RBMS1: variants seen among roughly 807,000 people sequenced by gnomAD.
RBMS1 encodes the protein RNA binding motif single stranded interacting protein 1, also known as RNA-binding motif, single-stranded-interacting protein 1.
A neutral mutation model predicts 62.3 loss-of-function variants in RBMS1; 17 were observed. The observed-to-expected ratio is 0.27, with a 90% confidence interval of 0.19 to 0.41. The LOEUF (loss-of-function observed/expected upper bound fraction) is 0.41, where lower values mean the gene tolerates loss of function less well. Among genes scored for constraint, RBMS1 ranks in the 10% least tolerant of loss-of-function variants. The pLI, the probability that RBMS1 is intolerant of heterozygous loss-of-function variation, is 1.00. For missense variants in RBMS1, 334 were observed against 504.5 expected (o/e 0.66, Z 3.24); for synonymous variants, 172 against 170.0 (o/e 1.01, Z -0.09).
chr2:160,471,953 C>T (rs1684941179), intron 1 of RBMS1, among the ~76,000 whole-genome samples: 1 of 151,754 alleles, frequency 6.6e-6, no homozygotes, highest in Non-Finnish European at 1.5e-5. Flanking sequence ...TTCAAGTATC[C>T]TGCTGTAAAT....
chr2:160,395,573 G>A (rs1313366278), intron 1 of RBMS1, among the ~76,000 whole-genome samples: 1 of 145,274 alleles, frequency 6.9e-6, no homozygotes, highest in Non-Finnish European at 1.5e-5. Flanking sequence ...GCAGTGAGCT[G>A]AGATCGCGCC....
chr2:160,400,514 G>A (rs955045777), intron 1 of RBMS1, among the ~76,000 whole-genome samples: 3 of 152,038 alleles, frequency 2.0e-5, no homozygotes, highest in Non-Finnish European at 4.4e-5. Flanking sequence ...TAAATGTGGA[G>A]AAAATTTATC....
At chr2:160,393,242 T>C (rs1355945583) in intron 1 of RBMS1, among the ~76,000 whole-genome samples, 1 of 152,194 alleles carries the variant, frequency 6.6e-6, no homozygotes, top group Non-Finnish European at 1.5e-5. Context: ...AACTGTAGCA[T>C]GTCAGCTGCA....
chr2:160,393,661 C>T (rs1694978603), intron 1 of RBMS1, among the ~76,000 whole-genome samples: 1 of 151,746 alleles, frequency 6.6e-6, no homozygotes. Context: ...TCTGTAATCC[C>T]AGCTACTCGG....
chr2:160,438,707 C>T (rs1203420616), intron 1 of RBMS1, among the ~76,000 whole-genome samples: 2 of 152,252 alleles, frequency 1.3e-5, no homozygotes, highest in African/African-American at 4.8e-5. Context: ...CTTTTCCCCA[C>T]CTTTCCCCCC....
intron 6 of RBMS1, among the ~76,000 whole-genome samples, chr2:160,289,411 A>C (rs953870278): frequency 6.6e-6 from 1 of 152,216 alleles, no homozygotes; most frequent in Non-Finnish European, 1.5e-5. Context: ...AAAATGACAC[A>C]TTTCTGAGAT....
intron 2 of RBMS1, among the ~76,000 whole-genome samples, chr2:160,365,440 G>A (rs1693344472): frequency 6.6e-6 from 1 of 152,106 alleles, no homozygotes; most frequent in African/African-American, 2.4e-5. Flanking sequence ...ATCCATACAT[G>A]TCAAAGAGAA....
chr2:160,419,945 C>T (rs1696356419), intron 1 of RBMS1, among the ~76,000 whole-genome samples: 1 of 152,192 alleles, frequency 6.6e-6, no homozygotes, highest in Admixed American at 6.5e-5. Flanking sequence ...CTACATTTGA[C>T]AGTGAAAATA....
intron 1 of RBMS1, among the ~76,000 whole-genome samples, chr2:160,444,638 T>C (rs1241692630): frequency 2.0e-5 from 3 of 152,222 alleles, no homozygotes; most frequent in Non-Finnish European, 2.9e-5. Flanking sequence ...GAACTGTGTC[T>C]CCCAAAAATG....
At chr2:160,491,476 T>C (rs1383673253) in intron 1 of RBMS1, among the ~76,000 whole-genome samples, 1 of 152,240 alleles carries the variant, frequency 6.6e-6, no homozygotes, top group Admixed American at 6.5e-5. Flanking sequence ...AGCAGGCTCT[T>C]GCCGTTTGTC....
At chr2:160,430,266 ATTTTAAG>A (rs1216888685) in intron 1 of RBMS1, among the ~76,000 whole-genome samples, 1 of 152,248 alleles carries the variant, frequency 6.6e-6, no homozygotes, top group African/African-American at 2.4e-5. Flanking sequence ...TTTTTAAGTC[ATTTTAAG>A]TTTTAAGTTG....
At chr2:160,469,444 G>A (rs1003853834) in intron 1 of RBMS1, among the ~76,000 whole-genome samples, 1 of 152,090 alleles carries the variant, frequency 6.6e-6, no homozygotes, top group Non-Finnish European at 1.5e-5. Flanking sequence ...TCTGCAACTC[G>A]GGGCTGCAGG....
Position 160,311,224 on chromosome 2 carries a change from C to CTATATATCTATATATCTATATATCTATA in RBMS1, c.402+1931_402+1932insTATAGATATATAGATATATAGATATATA, listed in dbSNP as rs1553505400. On this transcript the variant is annotated intron_variant, in intron 4 of 13. Transcript: ENST00000348849. ...AAAAAAAAAAAATCTATCTATCTATCTATCTATCTATATATATATATATAT... is the reference window on the plus strand; with the variant it reads ...AAAAAAAAAAAATCTATCTATCTATCTATATATCTATATATCTATATATCTATATATCTATCTATATATATATATATAT... 3.9e-3 allele frequency among the ~76,000 whole-genome samples: 223 copies of CTATATATCTATATATCTATATATCTATA among 56,516 alleles called. 2 individuals carry two copies. The highest frequency in any genetic ancestry group is 0.011 in the African/African-American group (185 of 16,150). 37.1% of individuals were successfully genotyped at this position (56,516 alleles called of 152,430 possible).
At chr2:160,468,417 G>C (rs1684783758) in intron 1 of RBMS1, among the ~76,000 whole-genome samples, 2 of 152,186 alleles carry the variant, frequency 1.3e-5, no homozygotes, top group Admixed American at 6.5e-5. Flanking sequence ...AAAATGGTTA[G>C]ACAGGTAAAT....
chr2:160,468,223 C>T (rs1201981325), intron 1 of RBMS1, among the ~76,000 whole-genome samples: 1 of 152,172 alleles, frequency 6.6e-6, no homozygotes, highest in East Asian at 1.9e-4. Context: ...ATATATGGGT[C>T]TGGGTCACTC....
chr2:160,465,866 A>ACG (rs1491185072), intron 1 of RBMS1, among the ~76,000 whole-genome samples: 2 of 54,600 alleles, frequency 3.7e-5, no homozygotes, highest in Non-Finnish European at 7.8e-5. Context: ...ACACACACAT[A>ACG]CACACACACA....
chr2:160,389,738 C>T (rs1252835535), intron 1 of RBMS1, among the ~76,000 whole-genome samples: 1 of 135,094 alleles, frequency 7.4e-6, no homozygotes, highest in Admixed American at 7.2e-5. Context: ...AGGCAAAAAA[C>T]CCTCAGTAAT....
intron 6 of RBMS1, among the ~76,000 whole-genome samples, chr2:160,295,839 G>A (rs995204251): frequency 1.3e-5 from 2 of 152,226 alleles, no homozygotes; most frequent in African/African-American, 4.8e-5. Flanking sequence ...CTTCAACAGG[G>A]AAGATCTTAT....
intron 3 of RBMS1, 35 bp from the exon 4 acceptor site, chr2:160,313,282 T>C: frequency 6.3e-7 from 1 of 1,595,908 alleles, no homozygotes. Context: ...ATTTAAGCCA[T>C]TATTCTGTGG....
Sources: gnomAD v4.1 joint callset for allele counts (sites outside exome capture counted in the v4.1 genomes callset) on GRCh38, gnomAD v4.1.1 for gene constraint, MANE v1.5 for transcripts, NCBI Gene and HGNC (gene_info 2026-07-23, HGNC 2026-07-21) for gene names.